The following PPARGC1A variants were observed in gnomAD, a reference collection of about 807,000 sequenced individuals.
PPARGC1A encodes peroxisome proliferator-activated receptor gamma coactivator 1-alpha.
PPARGC1A carries 25 observed loss-of-function variants against 88.7 expected under a neutral mutation model. The observed-to-expected ratio is 0.28, with a 90% CI of 0.21 to 0.39. PPARGC1A has a LOEUF of 0.39. Among genes scored for constraint, PPARGC1A ranks in the 10% least tolerant of loss-of-function variants. The pLI is 1.00. For missense variants in PPARGC1A, 880 were observed against 968.7 expected (o/e 0.91, Z 1.22); for synonymous variants, 363 against 355.6 (o/e 1.02, Z -0.24).
At chr4:24,428,022 T>C in the PPARGC1A span, among the ~76,000 whole-genome samples, 1 of 150,802 alleles carries the variant, frequency 6.6e-6, no homozygotes, top group Non-Finnish European at 1.5e-5. Flanking sequence ...GGCTGAGGGG[T>C]GAGGATCACT....
intron 2 of PPARGC1A, among the ~76,000 whole-genome samples, chr4:23,832,612 C>CTTTTTTT (rs570752359): frequency 2.3e-5 from 3 of 131,828 alleles, no homozygotes; most frequent in Non-Finnish European, 3.2e-5. Flanking sequence ...TTTTCTTTTT[C>CTTTTTTT]TTTTTTTTTT....
chr4:24,346,552 C>T, the PPARGC1A span, among the ~76,000 whole-genome samples: 433 of 152,050 alleles, frequency 2.8e-3, 18 homozygotes, highest in East Asian at 0.065. Context: ...TCTACACTTT[C>T]TATGTGCATA....
At chr4:23,975,460 C>G in the PPARGC1A span, among the ~76,000 whole-genome samples, 1 of 151,806 alleles carries the variant, frequency 6.6e-6, no homozygotes, top group Non-Finnish European at 1.5e-5. Flanking sequence ...CTCTGTTGCC[C>G]AGGCTGGAGT....
At chr4:24,319,320 C>A in the PPARGC1A span, among the ~76,000 whole-genome samples, 4 of 152,140 alleles carry the variant, frequency 2.6e-5, no homozygotes, top group African/African-American at 9.7e-5. Context: ...GTACTCCAGC[C>A]TGGGTGACAG....
intron 10 of PPARGC1A, among the ~76,000 whole-genome samples, chr4:23,810,135 TG>T (rs1720622320): frequency 6.6e-6 from 1 of 152,220 alleles, no homozygotes; most frequent in Non-Finnish European, 1.5e-5. Context: ...ATTGTCCAAG[TG>T]GAAATTGGTT....
At chr4:24,311,055 A>T in the PPARGC1A span, among the ~76,000 whole-genome samples, 1 of 150,182 alleles carries the variant, frequency 6.7e-6, no homozygotes, top group Non-Finnish European at 1.5e-5. Context: ...ATTAAGATAT[A>T]CGACATAGAA....
the PPARGC1A span, among the ~76,000 whole-genome samples, chr4:23,966,422 T>C: frequency 2.5e-3 from 377 of 152,334 alleles, 1 homozygote; most frequent in African/African-American, 8.6e-3. Flanking sequence ...TGAATCAATT[T>C]AAATGTAAAT....
the PPARGC1A span, among the ~76,000 whole-genome samples, chr4:23,920,274 C>T: frequency 9.5e-4 from 144 of 152,272 alleles, no homozygotes; most frequent in East Asian, 0.023. Context: ...TGTATTCTGC[C>T]ATGGCAGGTG....
chr4:24,261,447 C>A, the PPARGC1A span, among the ~76,000 whole-genome samples: 5 of 152,310 alleles, frequency 3.3e-5, no homozygotes, highest in East Asian at 9.7e-4. Flanking sequence ...CCAAGATACC[C>A]ATCTCTGGTT....
chr4:23,824,108 G>GTT (rs3217669), intron 7 of PPARGC1A, among the ~76,000 whole-genome samples, 172 bp downstream of exon 7: 3 of 65,046 alleles, frequency 4.6e-5, no homozygotes, highest in African/African-American at 8.6e-5. Context: ...TTTTTTATTA[G>GTT]TTTTTTTTTT....
chr4:23,986,478 G>T, the PPARGC1A span, among the ~76,000 whole-genome samples: 2 of 152,066 alleles, frequency 1.3e-5, no homozygotes, highest in African/African-American at 2.4e-5. Context: ...GCCAGCTTAC[G>T]CAGTCAGCAC....
chr4:24,258,325 G>A, the PPARGC1A span: 1 of 293,564 alleles, frequency 3.4e-6, no homozygotes, highest in Non-Finnish European at 5.1e-6. Context: ...GATACTGAAA[G>A]GCAATAAGGT....
At chr4:24,469,427 C>A in the PPARGC1A span, among the ~76,000 whole-genome samples, 2 of 152,194 alleles carry the variant, frequency 1.3e-5, no homozygotes, top group African/African-American at 2.4e-5. Context: ...GCATTTACCA[C>A]CAGAGATTAA....
chr4:24,162,422 G>A, the PPARGC1A span, among the ~76,000 whole-genome samples: 4 of 152,066 alleles, frequency 2.6e-5, no homozygotes, highest in Non-Finnish European at 5.9e-5. Flanking sequence ...ATCTGAGTAT[G>A]TACTCCCCTC....
chr4:24,281,237 T>C, the PPARGC1A span, among the ~76,000 whole-genome samples: 14 of 152,232 alleles, frequency 9.2e-5, no homozygotes, highest in African/African-American at 2.9e-4. Context: ...TTTGTGTTGC[T>C]ATGTAGGAAT....
the PPARGC1A span, among the ~76,000 whole-genome samples, chr4:24,211,491 C>T: frequency 1.3e-5 from 2 of 152,242 alleles, no homozygotes; most frequent in East Asian, 3.9e-4. Context: ...TTTCTTGTGT[C>T]CCCAGCTTCG....
chr4:24,090,266 C>T, the PPARGC1A span, among the ~76,000 whole-genome samples: 3 of 152,192 alleles, frequency 2.0e-5, no homozygotes, highest in Non-Finnish European at 4.4e-5. Context: ...AAGTAGCATG[C>T]AGAGATTTAT....
At chr4:24,399,771 A>G in the PPARGC1A span, among the ~76,000 whole-genome samples, 2 of 151,766 alleles carry the variant, frequency 1.3e-5, no homozygotes, top group African/African-American at 2.4e-5. Flanking sequence ...GCATATGAAC[A>G]TTTACACCAA....
the PPARGC1A span, among the ~76,000 whole-genome samples, chr4:24,082,474 G>A: frequency 6.6e-6 from 1 of 152,164 alleles, no homozygotes; most frequent in Non-Finnish European, 1.5e-5. Flanking sequence ...GTGTACTGGG[G>A]ACTAGCTTAA....
Sources: gnomAD v4.1 joint callset for allele counts (sites outside exome capture counted in the v4.1 genomes callset) on GRCh38, gnomAD v4.1.1 for gene constraint, MANE v1.5 for transcripts, NCBI Gene and HGNC (gene_info 2026-07-23, HGNC 2026-07-21) for gene names.